Variants in FRAS1 observed in about 807,000 individuals in gnomAD.
FRAS1 encodes the protein extracellular matrix organizing protein FRAS1.
Under a neutral mutation model 435.2 loss-of-function variants are expected in FRAS1, and 290 were observed. The observed-to-expected ratio is 0.67, with a 90% CI of 0.61 to 0.73. The LOEUF is 0.73. FRAS1 is among the 30% of genes least tolerant of loss of function. FRAS1 has a pLI of 0.00. For missense variants in FRAS1, 4,860 were observed against 5,001.5 expected (o/e 0.97, Z 0.85); for synonymous variants, 1,800 against 1,851.0 (o/e 0.97, Z 0.71).
At chr4:78,310,879 G>A (rs142342027) in intron 15 of FRAS1, among the ~76,000 whole-genome samples, 5 of 152,278 alleles carry the variant, frequency 3.3e-5, no homozygotes, top group East Asian at 3.9e-4. Context: ...CTACCAGCCT[G>A]TATCTGTAGA....
At chr4:78,389,582 C>G (rs1034798357) in intron 29 of FRAS1, among the ~76,000 whole-genome samples, 2 of 152,156 alleles carry the variant, frequency 1.3e-5, no homozygotes, top group African/African-American at 4.8e-5. Context: ...ATCACTCTTG[C>G]GATGGCCCTG....
At chr4:78,241,879 A>T (rs1725017449) in intron 3 of FRAS1, among the ~76,000 whole-genome samples, 1 of 152,118 alleles carries the variant, frequency 6.6e-6, no homozygotes, top group Non-Finnish European at 1.5e-5. Flanking sequence ...GTCTAGAATG[A>T]TCTAGACACA....
At chr4:78,324,434 T>C (rs1199329801) in intron 18 of FRAS1, among the ~76,000 whole-genome samples, 1 of 152,170 alleles carries the variant, frequency 6.6e-6, no homozygotes, top group Non-Finnish European at 1.5e-5. Context: ...TCTTATGGCA[T>C]AAATTCTGAC....
chr4:78,136,923 G>A (rs1055108232), intron 2 of FRAS1, among the ~76,000 whole-genome samples: 6 of 152,212 alleles, frequency 3.9e-5, no homozygotes, highest in East Asian at 1.9e-4. Flanking sequence ...CACCGTGCTC[G>A]GTTTTGGGAT....
At chr4:78,501,879 A>C (rs11723415) in intron 61 of FRAS1, among the ~76,000 whole-genome samples, 21,965 of 152,216 alleles carry the variant, frequency 0.14, 1,903 homozygotes, top group Non-Finnish European at 0.21. Context: ...TCTTTAATCC[A>C]CCTTGAATTA....
Position 78,306,509 on chromosome 4 carries a change from G to A in FRAS1, c.1535-1557G>A, listed in dbSNP as rs879164070. 1.4e-4 allele frequency among the ~76,000 whole-genome samples: 11 copies of A among 79,576 alleles called. 1 individual carries two copies. The highest frequency in any genetic ancestry group is 8.1e-5 in the Non-Finnish European group (3 of 37,128). 52.2% of individuals were successfully genotyped at this position (79,576 alleles called of 152,430 possible). A position where few individuals can be genotyped will look rare whatever the true frequency, so the allele number is the denominator to read the frequency against. On this transcript the variant is annotated intron_variant, in intron 14 of 73. Coordinates refer to ENST00000512123, the MANE Select transcript of FRAS1 (RefSeq NM_025074.7). ...TCACTTTCAGGTACACCAATCAGAC[G>A]TAGATTTGGTCTTTTCACATAGTCC... is the stretch of plus-strand genomic sequence containing the variant.
intron 2 of FRAS1, among the ~76,000 whole-genome samples, chr4:78,235,833 C>T (rs1006409946): frequency 2.0e-5 from 3 of 152,154 alleles, no homozygotes; most frequent in Non-Finnish European, 4.4e-5. Context: ...CCAGTAGTCC[C>T]ACCTACTTGG....
intron 2 of FRAS1, among the ~76,000 whole-genome samples, chr4:78,143,525 A>T (rs2110001304): frequency 6.6e-6 from 1 of 152,276 alleles, no homozygotes; most frequent in Admixed American, 6.5e-5. Flanking sequence ...TGCAAAACAC[A>T]CATTTCTTTC....
intron 2 of FRAS1, among the ~76,000 whole-genome samples, chr4:78,086,475 A>G (rs1185070347): frequency 1.3e-5 from 2 of 152,194 alleles, no homozygotes; most frequent in Non-Finnish European, 2.9e-5. Context: ...CAAAAAATCA[A>G]TGAATCCAGG....
chr4:78,372,710 CTTT>C lies in FRAS1; in HGVS notation c.2870-5_2870-3del. The C allele has an allele frequency of 9.3e-6, 15 of 1,612,168 alleles. No individual in the cohort carries two copies. The highest frequency in any genetic ancestry group is 1.3e-5 in the Non-Finnish European group (15 of 1,179,762). ...AGGAAGATAATCTAATGCAGACTTT[CTTT>C]TTAGAGTGTGATTGGAGCTGCAGTG... On this transcript the variant is annotated splice_region_variant and splice_polypyrimidine_tract_variant and intron_variant, in intron 23 of 73. Coordinates refer to ENST00000512123, the MANE Select transcript of FRAS1 (RefSeq NM_025074.7).
intron 14 of FRAS1, among the ~76,000 whole-genome samples, chr4:78,293,257 T>C (rs748813311): frequency 2.0e-5 from 3 of 152,214 alleles, no homozygotes; most frequent in African/African-American, 4.8e-5. Context: ...TGATCAGTCA[T>C]TGGGGCAGGG....
intron 15 of FRAS1, among the ~76,000 whole-genome samples, chr4:78,311,723 T>C (rs1424288676): frequency 6.6e-6 from 1 of 152,236 alleles, no homozygotes; most frequent in African/African-American, 2.4e-5. Flanking sequence ...TTGCCACCAC[T>C]TGGCATGATC....
chr4:78,484,735 AC>A (rs1414995851), intron 58 of FRAS1, among the ~76,000 whole-genome samples: 1 of 152,176 alleles, frequency 6.6e-6, no homozygotes, highest in Non-Finnish European at 1.5e-5. Context: ...CTTGCTCATA[AC>A]CCCGTGCTCT....
At chr4:78,289,401 C>T (rs1366125211) in intron 14 of FRAS1, among the ~76,000 whole-genome samples, 1 of 152,196 alleles carries the variant, frequency 6.6e-6, no homozygotes, top group Non-Finnish European at 1.5e-5. Flanking sequence ...CCAGTCCCTG[C>T]TTCATTTCCC....
At chr4:78,308,252 T>G (rs369599892) in intron 15 of FRAS1, 43 bp downstream of exon 15, 19 of 1,587,042 alleles carry the variant, frequency 1.2e-5, no homozygotes, top group Non-Finnish European at 1.5e-5. Flanking sequence ...TTCCTTTTTC[T>G]TTTCCAGCAT....
At chr4:78,199,570 T>C (rs1722962692) in intron 2 of FRAS1, among the ~76,000 whole-genome samples, 1 of 152,220 alleles carries the variant, frequency 6.6e-6, no homozygotes, top group African/African-American at 2.4e-5. Context: ...CAAAATAAAG[T>C]AAAACCAATC....
At position 78,457,035 on chromosome 4, in the gene FRAS1, G is replaced by A. The variant is rs551593355; in HGVS notation, c.6763+4681G>A. Among the ~76,000 whole-genome samples, 172 of 152,200 alleles carry A rather than the reference G, an allele frequency of 1.1e-3. 1 individual carries two copies. The highest frequency in any genetic ancestry group is 2.1e-3 in the Non-Finnish European group (140 of 68,022). ...GTAATACTTCAAGGAGGCCTACCTCGTGCTGGATGCCCCTCACCAGTTACA... is the reference window on the plus strand; with the variant it reads ...GTAATACTTCAAGGAGGCCTACCTCATGCTGGATGCCCCTCACCAGTTACA... On this transcript the variant is annotated intron_variant, in intron 47 of 73. Transcript: ENST00000512123.
Position 78,488,868 on chromosome 4 carries a change from C to T in FRAS1, c.8753-7C>T, listed in dbSNP as rs754514287. On this transcript the variant is annotated splice_region_variant and splice_polypyrimidine_tract_variant and intron_variant, in intron 58 of 73. Transcript: ENST00000512123. ...TGGTGCGTCTGTCTTTCTGTCTGCC[C>T]ACCTAGTGCCCAGCATGCAGTTTGC... The T allele has an allele frequency of 2.5e-6, 4 of 1,610,388 alleles. No individual in the cohort carries two copies. The highest frequency in any genetic ancestry group is 1.7e-5 in the Admixed American group (1 of 59,742).
Position 78,369,891 on chromosome 4 carries a change from C to T in FRAS1, c.2776C>T (p.Arg926Ter), listed in dbSNP as rs1483421450. 16 of 1,613,766 alleles carry T rather than the reference C, an allele frequency of 9.9e-6. No individual in the cohort carries two copies. Among genetic ancestry groups the T allele is most frequent in the Non-Finnish European group, 1.3e-5 (15 of 1,179,750 alleles). ...TTCACAGGCCAGCTGTACCTCCTGC[C>T]GAGATCCAAACAAGGTTCTGCTCTT... ...CDSQASCTSCRDPNKVLLFGE... is the reference protein window; with the variant it reads ...CDSQASCTSC Residue 926 changes from arginine (R) to a stop codon, truncating the protein, a stop_gained, in exon 23 of 74, where the codon CGA becomes TGA. Coordinates refer to ENST00000512123, the MANE Select transcript of FRAS1 (RefSeq NM_025074.7). LOFTEE classifies it high-confidence loss of function.
Sources: gnomAD v4.1 joint callset for allele counts (sites outside exome capture counted in the v4.1 genomes callset) on GRCh38, gnomAD v4.1.1 for gene constraint, MANE v1.5 for transcripts, NCBI Gene and HGNC (gene_info 2026-07-23, HGNC 2026-07-21) for gene names.